CAST: variants seen among roughly 807,000 people sequenced by gnomAD.
CAST encodes calpastatin, also known as MIR583 host.
In CAST, 76 loss-of-function variants were observed where a neutral mutation model predicts 119.6. The ratio of observed to expected loss-of-function variants is 0.64; its 90% CI spans 0.53 to 0.77. The LOEUF (loss-of-function observed/expected upper bound fraction) is 0.77. Ranked by LOEUF, CAST falls within the 30% of genes least tolerant of loss-of-function variation. CAST has a pLI of 0.00. For missense variants in CAST, 953 were observed against 946.5 expected (o/e 1.01, Z -0.09); for synonymous variants, 319 against 331.6 (o/e 0.96, Z 0.41).
the CAST span, among the ~76,000 whole-genome samples, chr5:96,122,214 A>T: frequency 6.6e-6 from 1 of 152,306 alleles, no homozygotes; most frequent in South Asian, 2.1e-4. Context: ...ACAAGTTTTG[A>T]GAAACTACCC....
chr5:96,303,113 G>A, the CAST span, among the ~76,000 whole-genome samples: 1 of 152,190 alleles, frequency 6.6e-6, no homozygotes, highest in African/African-American at 2.4e-5. Flanking sequence ...CTTAAATCAT[G>A]GCGGAAGGTG....
intron 3 of CAST, among the ~76,000 whole-genome samples, chr5:96,719,126 C>T (rs1757743005): frequency 6.6e-6 from 1 of 152,102 alleles, no homozygotes; most frequent in Non-Finnish European, 1.5e-5. Context: ...AATGGATGAG[C>T]CCGCATCCTA....
the CAST span, among the ~76,000 whole-genome samples, chr5:96,313,865 A>G: frequency 1.3e-5 from 2 of 152,132 alleles, no homozygotes; most frequent in African/African-American, 2.4e-5. Flanking sequence ...AATTAGGTTT[A>G]TAAAATCAGT....
At chr5:96,265,073 T>C in the CAST span, among the ~76,000 whole-genome samples, 1 of 152,188 alleles carries the variant, frequency 6.6e-6, no homozygotes, top group Non-Finnish European at 1.5e-5. Context: ...AGGATATGTA[T>C]GTATTTGGTC....
At chr5:96,628,100 A>G (rs2168626) in intron 1 of CAST, among the ~76,000 whole-genome samples, 1 of 152,236 alleles carries the variant, frequency 6.6e-6, no homozygotes, top group Middle Eastern at 3.2e-3. Context: ...GCATCCTTTT[A>G]AAGTGCTGTT....
chr5:96,736,239 A>G lies in CAST; in HGVS notation c.698A>G (p.Lys233Arg), dbSNP rs1372432639. 3 of 1,597,522 alleles carry G rather than the reference A, an allele frequency of 1.9e-6. No homozygotes were observed. Among genetic ancestry groups the G allele is most frequent in the East Asian group, 2.2e-5 (1 of 44,766 alleles). Residue 233 changes from lysine to arginine, a missense_variant and splice_region_variant, in exon 10 of 32, where the codon AAG becomes AGG. Physicochemically the swap from Lys to Arg is conservative, Grantham distance 26. Coordinates refer to ENST00000675179, the MANE Select transcript of CAST (RefSeq NM_001750.7). ...VESKPDKPSG[K>R]SGMDAALDDL... is the part of the protein sequence containing the mutation. Reference sequence around the variant, plus strand: ...TCTAAACCGGATAAACCATCGGGAAAGGTATGAAGACAACAGTGTCCTTCT... The same window carrying G: ...TCTAAACCGGATAAACCATCGGGAAGGGTATGAAGACAACAGTGTCCTTCT...
chr5:96,658,939 C>T (rs1295536468), upstream of CAST, among the ~76,000 whole-genome samples: 2 of 152,174 alleles, frequency 1.3e-5, no homozygotes, highest in East Asian at 3.8e-4. Context: ...CCAGCAAATG[C>T]GATGTGGTAT....
At chr5:96,225,394 G>C in the CAST span, among the ~76,000 whole-genome samples, 1 of 152,024 alleles carries the variant, frequency 6.6e-6, no homozygotes, top group East Asian at 1.9e-4. Flanking sequence ...GTAAATGGGG[G>C]CATACAGGGA....
the CAST span, among the ~76,000 whole-genome samples, chr5:96,177,247 AAAAAG>A: frequency 6.6e-6 from 1 of 152,324 alleles, no homozygotes; most frequent in Non-Finnish European, 1.5e-5. Flanking sequence ...ATTTTGGGAA[AAAAAG>A]AAAGGAATCC....
intron 1 of CAST, among the ~76,000 whole-genome samples, chr5:96,622,849 A>G (rs1370706683): frequency 7.9e-6 from 1 of 127,308 alleles, no homozygotes; most frequent in African/African-American, 3.1e-5. Context: ...TTAAGGACTT[A>G]TGGGACTCTT....
the CAST span, among the ~76,000 whole-genome samples, chr5:96,109,627 T>A: frequency 6.6e-6 from 1 of 152,312 alleles, no homozygotes; most frequent in Non-Finnish European, 1.5e-5. Flanking sequence ...GATGTTCCCA[T>A]CTGTGAAGAG....
chr5:96,069,371 G>GTCTA, the CAST span, among the ~76,000 whole-genome samples: 1 of 111,660 alleles, frequency 9.0e-6, no homozygotes, highest in Non-Finnish European at 2.0e-5. Context: ...GTGTGTGTGT[G>GTCTA]TGTGTGTGTG....
intron 1 of CAST, among the ~76,000 whole-genome samples, chr5:96,672,901 G>A (rs900175804): frequency 3.6e-5 from 5 of 138,208 alleles, no homozygotes; most frequent in African/African-American, 1.8e-4. Flanking sequence ...TTTTAAAGTT[G>A]TTATTTTAAG....
intron 1 of CAST, among the ~76,000 whole-genome samples, chr5:96,653,508 T>C (rs1748120162): frequency 6.6e-6 from 1 of 152,214 alleles, no homozygotes; most frequent in Non-Finnish European, 1.5e-5. Context: ...TCTTACCTTC[T>C]TAAAACACCC....
chr5:96,627,330 C>T (rs558042279), intron 1 of CAST, among the ~76,000 whole-genome samples: 16 of 152,200 alleles, frequency 1.1e-4, no homozygotes, highest in African/African-American at 3.4e-4. Flanking sequence ...CTGCAGAAGG[C>T]GAAAATTTTG....
At chr5:95,998,195 G>T in the CAST span, among the ~76,000 whole-genome samples, 1 of 151,096 alleles carries the variant, frequency 6.6e-6, no homozygotes, top group South Asian at 2.1e-4. Flanking sequence ...ACATTTTTTG[G>T]TTATTTTCCA....
intron 22 of CAST, among the ~76,000 whole-genome samples, chr5:96,755,821 T>C (rs1284380101): frequency 6.6e-6 from 1 of 152,210 alleles, no homozygotes; most frequent in Non-Finnish European, 1.5e-5. Context: ...TTTCTATTAA[T>C]TTGGGCTCAT....
At chr5:96,687,267 G>C (rs1257669537) in intron 2 of CAST, among the ~76,000 whole-genome samples, 3 of 152,182 alleles carry the variant, frequency 2.0e-5, no homozygotes, top group Non-Finnish European at 4.4e-5. Flanking sequence ...TTCTTGCTAT[G>C]AGTGGGTAGT....
the CAST span, among the ~76,000 whole-genome samples, chr5:96,453,908 G>T: frequency 6.6e-6 from 1 of 152,050 alleles, no homozygotes; most frequent in East Asian, 1.9e-4. Context: ...AAAAAAAAGA[G>T]AAAAATCTAG....
Sources: allele counts gnomAD v4.1 joint callset (sites outside exome capture counted in the v4.1 genomes callset), GRCh38; gene constraint gnomAD v4.1.1; transcripts MANE v1.5; gene names NCBI Gene and HGNC (gene_info 2026-07-23, HGNC 2026-07-21).